Variants in IL1RAPL1 observed in about 807,000 individuals in gnomAD.
The protein encoded by IL1RAPL1 is interleukin 1 receptor accessory protein like 1, also known as interleukin-1 receptor accessory protein-like 1.
In IL1RAPL1, 3 loss-of-function variants were observed where a neutral mutation model predicts 48.4. The observed-to-expected ratio is 0.06, with a 90% CI of 0.03 to 0.16. IL1RAPL1 has a LOEUF of 0.16. IL1RAPL1 is among the 10% of genes least tolerant of loss of function. IL1RAPL1 has a pLI of 1.00. For missense variants in IL1RAPL1, 349 were observed against 530.6 expected (o/e 0.66, Z 3.36); for synonymous variants, 185 against 187.7 (o/e 0.99, Z 0.12).
chrX:29,806,213 G>A (rs995823902), intron 6 of IL1RAPL1, among the ~76,000 whole-genome samples: 3 of 109,813 alleles, frequency 2.7e-5, no homozygotes, highest in Non-Finnish European at 3.8e-5. Flanking sequence ...ACGGGCACAC[G>A]TGCGTGCACG....
In IL1RAPL1 at chrX:29,803,171, GCATA is replaced by G. The variant is rs1296078430; in HGVS notation, c.779-114288_779-114285del. On this transcript the variant is annotated intron_variant, in intron 6 of 10. Transcript: ENST00000378993. ...TATGTGTATACATGCATACACATAT[GCATA>G]CATATATGTATATATGTATACATAT... is the stretch of plus-strand genomic sequence containing the variant. Among the ~76,000 whole-genome samples the G allele has an allele frequency of 5.6e-3, 374 of 67,197 alleles. 2 individuals are homozygous for G. Among genetic ancestry groups the G allele is most frequent in the Middle Eastern group, 0.022 (1 of 46 alleles). The allele number at this position is 67,197 out of a possible 115,157, so 58.4% of individuals were successfully genotyped here.
chrX:29,633,471 A>C lies in IL1RAPL1; in HGVS notation c.704-34959A>C, dbSNP rs80344863. On this transcript the variant is annotated intron_variant, in intron 5 of 10. Coordinates refer to ENST00000378993, the MANE Select transcript of IL1RAPL1 (RefSeq NM_014271.4). Reference sequence around the variant, plus strand: ...TGACAATTTATCGATATATATATACACACACACACACACACACACACACAC... The same window carrying C: ...TGACAATTTATCGATATATATATACCCACACACACACACACACACACACAC... 2.9e-3 allele frequency among the ~76,000 whole-genome samples: 266 copies of C among 91,463 alleles called. 4 individuals are homozygous for C. The East Asian group carries it at 0.067, about 23-fold the overall frequency. 79.4% of individuals were successfully genotyped at this position (91,463 alleles called of 115,157 possible).
chrX:28,948,376 C>T (rs1924361687), intron 2 of IL1RAPL1, among the ~76,000 whole-genome samples: 1 of 110,807 alleles, frequency 9.0e-6, no homozygotes, highest in South Asian at 3.8e-4. Context: ...CTTTTTGACC[C>T]TCTTCTTTAG....
chrX:29,566,596 G>C (rs898410467), intron 5 of IL1RAPL1, among the ~76,000 whole-genome samples: 4 of 111,754 alleles, frequency 3.6e-5, no homozygotes, highest in Admixed American at 1.9e-4. Flanking sequence ...GGATAGAAGA[G>C]AGCCTGGCTA....
At chrX:29,857,971 A>G (rs1931506224) in intron 6 of IL1RAPL1, among the ~76,000 whole-genome samples, 1 of 111,930 alleles carries the variant, frequency 8.9e-6, no homozygotes, top group Non-Finnish European at 1.9e-5. Context: ...GACATCTTTC[A>G]CTTGGGAGTT....
intron 1 of IL1RAPL1, among the ~76,000 whole-genome samples, chrX:28,626,734 G>A (rs950502856): frequency 8.9e-6 from 1 of 112,456 alleles, no homozygotes; most frequent in Non-Finnish European, 1.9e-5. Context: ...TGCAAGAGCT[G>A]TTTATGACCT....
chrX:28,750,203 A>G lies in IL1RAPL1; in HGVS notation c.-24-39117A>G, dbSNP rs1003722228. 1.1e-4 allele frequency among the ~76,000 whole-genome samples: 12 copies of G among 110,358 alleles called. No homozygotes were observed. The Admixed American group carries it at 1.2e-3, about 11-fold the overall frequency. On this transcript the variant is annotated intron_variant, in intron 1 of 10. Coordinates refer to ENST00000378993, the MANE Select transcript of IL1RAPL1 (RefSeq NM_014271.4). ...CAACCTCAAGTGATCCATCTGCCTC[A>G]GCCTCCCGAAGTGCTGGAATTACAG...
At chrX:29,431,945 A>C (rs1934427356) in intron 5 of IL1RAPL1, among the ~76,000 whole-genome samples, 1 of 111,741 alleles carries the variant, frequency 8.9e-6, no homozygotes, top group Non-Finnish European at 1.9e-5. Context: ...TTACTCTTTA[A>C]ACATTTTAGA....
At chrX:29,581,290 G>A (rs1922953650) in intron 5 of IL1RAPL1, among the ~76,000 whole-genome samples, 1 of 112,485 alleles carries the variant, frequency 8.9e-6, no homozygotes, top group Non-Finnish European at 1.9e-5. Context: ...AACACTGAAA[G>A]TGATTTTAGA....
intron 6 of IL1RAPL1, among the ~76,000 whole-genome samples, chrX:29,772,018 C>A (rs750357835): frequency 9.1e-6 from 1 of 110,386 alleles, no homozygotes; most frequent in Non-Finnish European, 1.9e-5. Context: ...ATGGGAGAGA[C>A]CCGCCTCCAT....
At chrX:29,193,456 A>T (rs769622989) in intron 2 of IL1RAPL1, among the ~76,000 whole-genome samples, 4 of 111,498 alleles carry the variant, frequency 3.6e-5, no homozygotes, top group Non-Finnish European at 7.5e-5. Context: ...CTTGCATTTA[A>T]GATTTTGGCA....
intron 2 of IL1RAPL1, among the ~76,000 whole-genome samples, chrX:29,213,489 GC>G (rs1930810947): frequency 8.9e-6 from 1 of 112,596 alleles, no homozygotes; most frequent in Non-Finnish European, 1.9e-5. Context: ...ATTGCTCTGT[GC>G]CCACTCTTGC....
chrX:29,862,756 T>C (rs749511421), intron 6 of IL1RAPL1, among the ~76,000 whole-genome samples: 1 of 110,696 alleles, frequency 9.0e-6, no homozygotes, highest in Non-Finnish European at 1.9e-5. Context: ...AAACAATATC[T>C]ATCGGTAGAC....
chrX:29,946,530 A>C (rs1379062681), intron 9 of IL1RAPL1, among the ~76,000 whole-genome samples: 1 of 112,459 alleles, frequency 8.9e-6, no homozygotes, highest in African/African-American at 3.2e-5. Context: ...TTGATTCCAC[A>C]ATAAAAGGAA....
chrX:29,381,830 AAAAATATAT>A (rs1306661664), intron 3 of IL1RAPL1, among the ~76,000 whole-genome samples: 18 of 32,610 alleles, frequency 5.5e-4, no homozygotes, highest in Non-Finnish European at 4.2e-4. Flanking sequence ...AAAAAAAAAA[AAAAATATAT>A]ATATATATAT....
chrX:28,953,571 A>C (rs1376550553), intron 2 of IL1RAPL1, among the ~76,000 whole-genome samples: 1 of 111,484 alleles, frequency 9.0e-6, no homozygotes. Flanking sequence ...CAAAGTAATA[A>C]TACGTAGAGG....
At chrX:29,658,981 T>C (rs1266756495) in intron 5 of IL1RAPL1, among the ~76,000 whole-genome samples, 2 of 112,273 alleles carry the variant, frequency 1.8e-5, no homozygotes, top group African/African-American at 6.5e-5. Flanking sequence ...CCCAAAGCAA[T>C]TGACACATTC....
intron 6 of IL1RAPL1, among the ~76,000 whole-genome samples, chrX:29,687,490 G>A (rs1233127069): frequency 9.0e-6 from 1 of 111,427 alleles, no homozygotes. Context: ...GTTTACCAGA[G>A]GATGGAGAGG....
chrX:29,312,416 A>T (rs1025084884), intron 3 of IL1RAPL1, among the ~76,000 whole-genome samples: 3 of 110,338 alleles, frequency 2.7e-5, no homozygotes, highest in African/African-American at 9.9e-5. Context: ...CAAGAGCAAA[A>T]CTCCATCTAA....
Sources: gnomAD v4.1 joint callset for allele counts (sites outside exome capture counted in the v4.1 genomes callset) on GRCh38, gnomAD v4.1.1 for gene constraint, MANE v1.5 for transcripts, NCBI Gene and HGNC (gene_info 2026-07-23, HGNC 2026-07-21) for gene names.